TCF20: variants seen among roughly 807,000 people sequenced by gnomAD.
TCF20 encodes transcription factor 20, also known as SPRE-binding protein.
A neutral mutation model predicts 148.6 loss-of-function variants in TCF20; 3 were observed. The observed-to-expected ratio is 0.02, with a 90% CI of 0.01 to 0.05. TCF20 has a LOEUF of 0.05. TCF20 is among the 10% of genes least tolerant of loss of function. The pLI is 1.00. For missense variants in TCF20, 2,350 were observed against 2,429.3 expected, an observed-to-expected ratio of 0.97 and a Z score of 0.69; for synonymous variants, 1,049 against 909.5, an observed-to-expected ratio of 1.15 and a Z score of -2.76.
At position 42,214,302 on chromosome 22, in the gene TCF20, G is replaced by A. The variant is rs780279925; in HGVS notation, c.1004C>T (p.Ala335Val). 6.2e-7 allele frequency: 1 copy of A among 1,614,218 alleles called. No individual in the cohort carries two copies. Among genetic ancestry groups the A allele is most frequent in the Non-Finnish European group, 8.5e-7 (1 of 1,180,042 alleles). ...SQHVMQYTNA[A>V]TKLPLQSQVG... ...TTGGCTTTGCAGGGGCAGCTTGGTGGCAGCGTTAGTATACTGCATCACATG... is the reference window on the plus strand; with the variant it reads ...TTGGCTTTGCAGGGGCAGCTTGGTGACAGCGTTAGTATACTGCATCACATG... The change falls in exon 2 of 6, where the codon GCC becomes GTC. Residue 335 changes from alanine to valine, a missense_variant. Ala to Val is a moderately conservative substitution (Grantham distance 64, BLOSUM62 0). This residue lies in a region of TCF20 where 1,641 missense variants were observed against 1,662.6 expected (regional missense o/e 0.99). Transcript: ENST00000677622.
chr22:42,200,390 T>C (rs1412207812), intron 2 of TCF20, among the ~76,000 whole-genome samples: 3 of 152,114 alleles, frequency 2.0e-5, no homozygotes, highest in East Asian at 3.9e-4. Context: ...CTCACGCCTA[T>C]AATCCCAGCA....
chr22:42,221,439 T>C (rs1049383047), intron 1 of TCF20, among the ~76,000 whole-genome samples: 8 of 152,216 alleles, frequency 5.3e-5, no homozygotes, highest in African/African-American at 1.9e-4. Context: ...ATCTGTTTTC[T>C]ACTGGGACCC....
intron 1 of TCF20, among the ~76,000 whole-genome samples, chr22:42,311,319 A>C (rs1927533172): frequency 6.6e-6 from 1 of 152,190 alleles, no homozygotes; most frequent in Non-Finnish European, 1.5e-5. Context: ...TCCCAAGGGG[A>C]CTGGGGGGAA....
chr22:42,266,766 G>A (rs993343761), intron 1 of TCF20, among the ~76,000 whole-genome samples: 7 of 152,220 alleles, frequency 4.6e-5, no homozygotes, highest in Non-Finnish European at 8.8e-5. Context: ...GCAACAGAGC[G>A]AGACTCCGTC....
rs530810918 is a variant in TCF20 at position 42,240,509 on chromosome 22, C to T, written c.-36-25168G>A. Among the ~76,000 whole-genome samples the T allele has an allele frequency of 1.8e-4, 28 of 152,184 alleles. No homozygotes were observed. In the South Asian group the frequency reaches 4.6e-3, roughly 25 times the overall value. On this transcript the variant is annotated intron_variant, in intron 1 of 5. Coordinates refer to ENST00000677622, the MANE Select transcript of TCF20 (RefSeq NM_001378418.1). ...AAATAACTGCACAAAAAACTGGATA[C>T]AATATATATACATCTTTCCAAAAGT...
In TCF20 at chr22:42,338,557, C is replaced by T. The variant is rs971831782; in HGVS notation, c.-37+4922G>A. Among the ~76,000 whole-genome samples the T allele has an allele frequency of 4.6e-5, 7 of 152,156 alleles. No homozygotes were observed. The highest frequency in any genetic ancestry group is 5.9e-5 in the Non-Finnish European group (4 of 68,040). On this transcript the variant is annotated intron_variant, in intron 1 of 1. Transcript: ENST00000515426. The surrounding 1 kb of genome is among the most constrained non-coding windows in gnomAD (Gnocchi z 4.0). ...TGGGAAAATAATTACCGAGGAGGCCCGGGAGGGAGGCGGGGAGGCTGGCGA... is the reference window on the plus strand; with the variant it reads ...TGGGAAAATAATTACCGAGGAGGCCTGGGAGGGAGGCGGGGAGGCTGGCGA...
rs1299443656 is a variant in TCF20, at chr22:42,290,365, C to A, written c.-37+53114G>T. 1.3e-5 allele frequency among the ~76,000 whole-genome samples: 2 copies of A among 152,240 alleles called. No homozygotes were observed. The highest frequency in any genetic ancestry group is 2.9e-5 in the Non-Finnish European group (2 of 68,032). ...CGAGGAACTGGCAGCCAGGGGCTAGCTAATCCCAGCCAAAACACACGGAAT... is the reference window on the plus strand; with the variant it reads ...CGAGGAACTGGCAGCCAGGGGCTAGATAATCCCAGCCAAAACACACGGAAT... On this transcript the variant is annotated intron_variant, in intron 1 of 1. Transcript: ENST00000515426. This position sits in a 1 kb window ranked among gnomAD's most constrained non-coding sequence, Gnocchi z 4.2.
chr22:42,283,658 C>T lies in TCF20; in HGVS notation c.-37+169G>A, dbSNP rs535137898. On this transcript the variant is annotated intron_variant, in intron 1 of 5. Transcript: ENST00000359486. Reference sequence around the variant, plus strand: ...TTTGATGGGGACAAGGCAGTAAAGGCCGCCCGGGAGGCCCCTGCCCAGCCC... The same window carrying T: ...TTTGATGGGGACAAGGCAGTAAAGGTCGCCCGGGAGGCCCCTGCCCAGCCC... 4.2e-3 allele frequency among the ~76,000 whole-genome samples: 646 copies of T among 152,132 alleles called. 11 individuals are homozygous for T. The highest frequency in any genetic ancestry group is 0.015 in the African/African-American group (624 of 41,554).
intron 1 of TCF20, among the ~76,000 whole-genome samples, chr22:42,216,011 A>T (rs542729127): frequency 1.1e-4 from 17 of 150,234 alleles, no homozygotes; most frequent in Non-Finnish European, 2.2e-4. Context: ...GTCAATGAAA[A>T]ACAGCAATTT....
At chr22:42,204,063 T>C (rs1392885461) in intron 2 of TCF20, among the ~76,000 whole-genome samples, 1 of 152,242 alleles carries the variant, frequency 6.6e-6, no homozygotes, top group Non-Finnish European at 1.5e-5. Context: ...TGATTTCATT[T>C]TCATAATGTA....
intron 3 of TCF20, among the ~76,000 whole-genome samples, chr22:42,178,175 C>T (rs1569108845): frequency 6.6e-6 from 1 of 152,224 alleles, no homozygotes; most frequent in Non-Finnish European, 1.5e-5. Flanking sequence ...CCTGCCCACA[C>T]ATCTGGCCCT....
intron 1 of TCF20, among the ~76,000 whole-genome samples, chr22:42,295,370 C>T (rs1340063364): frequency 6.6e-6 from 1 of 152,182 alleles, no homozygotes; most frequent in Non-Finnish European, 1.5e-5. Context: ...ACCTGGCAAG[C>T]CTGCTGCTGC....
intron 1 of TCF20, among the ~76,000 whole-genome samples, chr22:42,334,552 A>G (rs559333197): frequency 6.6e-6 from 1 of 152,376 alleles, no homozygotes; most frequent in South Asian, 2.1e-4. Flanking sequence ...GGAACAGGCT[A>G]GGCTGCAGGG....
At chr22:42,170,626 CAAAAAAAAAAAAAAAA>C (rs58579686) in intron 3 of TCF20, among the ~76,000 whole-genome samples, 1 of 72,104 alleles carries the variant, frequency 1.4e-5, no homozygotes, top group Middle Eastern at 9.8e-3. Context: ...GACTCCGTCT[CAAAAAAAAAAAAAAAA>C]AAAAAAAAAA....
intron 1 of TCF20, among the ~76,000 whole-genome samples, chr22:42,277,378 C>T (rs1478489669): frequency 6.6e-6 from 1 of 152,212 alleles, no homozygotes; most frequent in African/African-American, 2.4e-5. Flanking sequence ...CATCTGATAA[C>T]AGCCATGATA....
Position 42,214,673 on chromosome 22 carries a change from C to T in TCF20, c.633G>A (p.Met211Ile), listed in dbSNP as rs770985424. The T allele has an allele frequency of 1.2e-5, 19 of 1,614,076 alleles. No homozygotes were observed. The Admixed American group carries it at 2.0e-4, about 17-fold the overall frequency. Residue 211 changes from methionine (M) to isoleucine (I), a missense_variant, in exon 2 of 6, where the codon ATG becomes ATA. Met to Ile is a conservative substitution (Grantham distance 10, BLOSUM62 1). Around this residue, in one of 7 missense-constraint regions of TCF20, gnomAD observed 1,641 missense variants for 1,662.6 expected, o/e 0.99. Transcript: ENST00000677622. ...PASSSSHLQP[M>I]QRPSTLPSSA... ...AGGATGGCAGAGTTGAGGGCCGCTG[C>T]ATTGGCTGTAGATGGGATGAGCTGG...
intron 1 of TCF20, among the ~76,000 whole-genome samples, chr22:42,223,275 A>G (rs951201384): frequency 1.3e-5 from 2 of 152,196 alleles, no homozygotes; most frequent in East Asian, 3.8e-4. Context: ...AAAAGTCCAA[A>G]TTTTCCAAAA....
At chr22:42,241,247 A>AT (rs1268774525) in intron 1 of TCF20, among the ~76,000 whole-genome samples, 1 of 152,230 alleles carries the variant, frequency 6.6e-6, no homozygotes. Context: ...TTATTTCTAT[A>AT]AACAATTTTT....
intron 1 of TCF20, among the ~76,000 whole-genome samples, chr22:42,301,363 C>T (rs1927333664): frequency 6.6e-6 from 1 of 152,164 alleles, no homozygotes; most frequent in Non-Finnish European, 1.5e-5. Context: ...AAGGCGTGCA[C>T]CTTGGGGAGA....
Sources: allele counts gnomAD v4.1 joint callset (sites outside exome capture counted in the v4.1 genomes callset), GRCh38; gene constraint gnomAD v4.1.1; regional missense constraint gnomAD v4.1.1; non-coding constraint Gnocchi (gnomAD v3.1); transcripts MANE v1.5; gene names NCBI Gene and HGNC (gene_info 2026-07-23, HGNC 2026-07-21).